RAD51B: variants seen among roughly 807,000 people sequenced by gnomAD.
RAD51B encodes RAD51 paralog B.
A neutral mutation model predicts 42.2 loss-of-function variants in RAD51B; 38 were observed. That is an observed-to-expected ratio of 0.90 (90% CI 0.70 to 1.18). The LOEUF (loss-of-function observed/expected upper bound fraction) is 1.18, where lower values mean the gene tolerates loss of function less well. Among genes scored for constraint, RAD51B ranks in the 50% most tolerant of loss-of-function variants. The pLI is 0.00. For synonymous variants in RAD51B, 154 were observed against 145.2 expected, an observed-to-expected ratio of 1.06 and a Z score of -0.43; for missense variants, 373 against 400.7, an observed-to-expected ratio of 0.93 and a Z score of 0.59.
intron 7 of RAD51B, among the ~76,000 whole-genome samples, chr14:68,280,171 C>T (rs555485576): frequency 6.6e-6 from 1 of 152,334 alleles, no homozygotes; most frequent in South Asian, 2.1e-4. Flanking sequence ...CTCAGTGTTT[C>T]CAACTCTAAC....
chr14:68,396,006 A>G (rs1165587081), intron 8 of RAD51B, among the ~76,000 whole-genome samples: 1 of 152,326 alleles, frequency 6.6e-6, no homozygotes, highest in African/African-American at 2.4e-5. Context: ...GTTAGGGTCT[A>G]GTTGAGCAGC....
chr14:67,844,612 TTA>T (rs200836455), intron 4 of RAD51B, among the ~76,000 whole-genome samples: 3 of 146,252 alleles, frequency 2.1e-5, no homozygotes, highest in African/African-American at 7.5e-5. Flanking sequence ...TATATATATA[TTA>T]TATATATATA....
At chr14:67,884,065 G>A (rs540042274) in intron 5 of RAD51B, among the ~76,000 whole-genome samples, 2 of 152,310 alleles carry the variant, frequency 1.3e-5, no homozygotes, top group Admixed American at 1.3e-4. Context: ...TGTGAGGCAT[G>A]TCGAATATTG....
intron 4 of RAD51B, among the ~76,000 whole-genome samples, chr14:67,853,207 A>G (rs1485949472): frequency 1.3e-5 from 2 of 152,236 alleles, no homozygotes; most frequent in African/African-American, 4.8e-5. Context: ...AACAGCTTGA[A>G]TGAACTTGGA....
chr14:68,207,086 G>A (rs1417691898), intron 7 of RAD51B, among the ~76,000 whole-genome samples: 5 of 151,896 alleles, frequency 3.3e-5, no homozygotes, highest in East Asian at 1.9e-4. Flanking sequence ...CACCGCACCC[G>A]GCCACCCCAG....
At chr14:68,078,988 C>G (rs551061273) in intron 7 of RAD51B, among the ~76,000 whole-genome samples, 6 of 152,224 alleles carry the variant, frequency 3.9e-5, no homozygotes, top group African/African-American at 1.4e-4. Flanking sequence ...AAGACCCTAT[C>G]TCTAAATAAA....
chr14:68,021,398 T>C (rs115013694), intron 7 of RAD51B, among the ~76,000 whole-genome samples: 1,644 of 152,284 alleles, frequency 0.011, 36 homozygotes, highest in African/African-American at 0.038. Flanking sequence ...TCCCGTGAGA[T>C]GGTGTTTCTC....
At chr14:68,658,934 A>G (rs1458570001) in intron 11 of RAD51B, among the ~76,000 whole-genome samples, 2 of 152,238 alleles carry the variant, frequency 1.3e-5, no homozygotes, top group Middle Eastern at 3.2e-3. Flanking sequence ...GAGAGGCTGT[A>G]CAGCCCAGGA....
At chr14:68,045,256 A>G (rs1404407063) in intron 7 of RAD51B, among the ~76,000 whole-genome samples, 3 of 150,882 alleles carry the variant, frequency 2.0e-5, no homozygotes, top group South Asian at 2.1e-4. Flanking sequence ...AAAAAAAAAA[A>G]AAAAAAAGAA....
At chr14:68,138,258 A>C (rs1304535725) in intron 7 of RAD51B, among the ~76,000 whole-genome samples, 1 of 152,244 alleles carries the variant, frequency 6.6e-6, no homozygotes, top group Non-Finnish European at 1.5e-5. Flanking sequence ...ATTAAATAAA[A>C]GACATTTGGC....
At chr14:67,918,141 A>C (rs1400616582) in intron 7 of RAD51B, among the ~76,000 whole-genome samples, 1 of 152,216 alleles carries the variant, frequency 6.6e-6, no homozygotes, top group Non-Finnish European at 1.5e-5. Context: ...AGAAATATTA[A>C]AAATAATGGA....
intron 7 of RAD51B, among the ~76,000 whole-genome samples, chr14:68,183,994 G>A (rs529295185): frequency 0.027 from 3,592 of 135,244 alleles, 114 homozygotes; most frequent in African/African-American, 0.08. Flanking sequence ...CGGGGGGGGT[G>A]AGGCAGGAGA....
intron 11 of RAD51B, among the ~76,000 whole-genome samples, chr14:68,680,509 C>G (rs1893404050): frequency 6.6e-6 from 1 of 152,160 alleles, no homozygotes; most frequent in South Asian, 2.1e-4. Flanking sequence ...CTGTGTTCCA[C>G]AGCCAGCTTG....
rs375885782 is a variant in RAD51B, at chr14:68,468,211, T to C, written c.997T>C (p.Phe333Leu). ...GTCCCCTCTGGCTCCCTTCACCTCA[T>C]TTGTCTACACCATCAAGGAGGAAGG... is the stretch of plus-strand genomic sequence containing the variant. The part of the protein sequence containing the change: ...AKSPLAPFTS[F>L]VYTIKEEGLV... The change falls in exon 10 of 11, where the codon TTT becomes CTT. Residue 333 changes from phenylalanine (F) to leucine (L), a missense_variant. Coordinates refer to ENST00000471583, the MANE Select transcript of RAD51B (RefSeq NM_133510.4). 3.4e-5 allele frequency: 55 copies of C among 1,613,904 alleles called. No individual in the cohort carries two copies. The highest frequency in any genetic ancestry group is 4.5e-5 in the Non-Finnish European group (53 of 1,179,916).
chr14:68,665,738 G>C (rs2140149893), intron 11 of RAD51B, among the ~76,000 whole-genome samples: 1 of 152,302 alleles, frequency 6.6e-6, no homozygotes, highest in South Asian at 2.1e-4. Context: ...GAATGTTTAA[G>C]CTTTCTTATT....
intron 10 of RAD51B, among the ~76,000 whole-genome samples, chr14:68,570,873 CCACACA>C (rs9323516): frequency 1.7e-4 from 25 of 150,240 alleles, no homozygotes; most frequent in Non-Finnish European, 2.8e-4. Context: ...GGCTGGAGCG[CCACACA>C]CACACACACA....
At chr14:68,121,088 C>G (rs1449256200) in intron 7 of RAD51B, among the ~76,000 whole-genome samples, 1 of 152,142 alleles carries the variant, frequency 6.6e-6, no homozygotes, top group African/African-American at 2.4e-5. Flanking sequence ...TCCCTGAGAT[C>G]ATGAAATTAT....
At chr14:68,589,379 T>A (rs1890636024) in intron 10 of RAD51B, among the ~76,000 whole-genome samples, 1 of 152,206 alleles carries the variant, frequency 6.6e-6, no homozygotes, top group South Asian at 2.1e-4. Context: ...TTTTTTTCTT[T>A]AGCTGCAGGA....
At position 67,877,518 on chromosome 14, in the gene RAD51B, T is replaced by G. The variant is rs572515012; in HGVS notation, c.453-8351T>G. Among the ~76,000 whole-genome samples the G allele has an allele frequency of 5.3e-5, 8 of 152,324 alleles. No homozygotes were observed. In the East Asian group the frequency reaches 1.3e-3, roughly 26 times the overall value. On this transcript the variant is annotated intron_variant, in intron 5 of 10. Coordinates refer to ENST00000471583, the MANE Select transcript of RAD51B (RefSeq NM_133510.4). ...TCTATGAATCTATCTTTATCCCATT[T>G]CCCATTGGGCTTCTAGTCTTTTTAT...
Sources: allele counts gnomAD v4.1 joint callset (sites outside exome capture counted in the v4.1 genomes callset), GRCh38; gene constraint gnomAD v4.1.1; transcripts MANE v1.5; gene names NCBI Gene and HGNC (gene_info 2026-07-23, HGNC 2026-07-21).